Variants in ATRX observed in about 807,000 individuals in gnomAD.
ATRX encodes ATRX chromatin remodeler.
A neutral mutation model predicts 172.6 loss-of-function variants in ATRX; 12 were observed. That is an observed-to-expected ratio of 0.07 (90% CI 0.04 to 0.11). The LOEUF (loss-of-function observed/expected upper bound fraction) is 0.11. Ranked by LOEUF, ATRX falls within the 10% of genes least tolerant of loss-of-function variation. The pLI, the probability that ATRX is intolerant of heterozygous loss-of-function variation, is 1.00. For missense variants in ATRX, 1,368 were observed against 1,767.4 expected (o/e 0.77, Z 4.05); for synonymous variants, 674 against 594.7 (o/e 1.13, Z -1.94).
chrX:77,701,219 C>A (rs1487373769), intron 2 of ATRX, among the ~76,000 whole-genome samples: 1 of 111,313 alleles, frequency 9.0e-6, no homozygotes, highest in Non-Finnish European at 1.9e-5. Context: ...TTAAAAATAT[C>A]TTTTTTTTCT....
intron 1 of ATRX, among the ~76,000 whole-genome samples, chrX:77,784,887 G>A (rs782204961): frequency 5.8e-4 from 65 of 112,087 alleles, no homozygotes; most frequent in African/African-American, 2.0e-3. Flanking sequence ...TCTGACCCAT[G>A]CTCCTTGTAA....
chrX:77,616,831 T>C lies in ATRX; in HGVS notation c.5449-101A>G, dbSNP rs2067375073. ...TAACTGAAATATACACATAAATAAA[T>C]AGGCACTAAACATATAAGAAAACAT... On this transcript the variant is annotated intron_variant, in intron 21 of 34. Transcript: ENST00000373344. 3 of 584,117 alleles carry C rather than the reference T, an allele frequency of 5.1e-6. No individual in the cohort carries two copies. In the East Asian group the frequency reaches 1.0e-4, roughly 20 times the overall value. 48.1% of individuals were successfully genotyped at this position (584,117 alleles called of 1,213,427 possible).
At chrX:77,705,429 G>A (rs1204673028) in intron 2 of ATRX, among the ~76,000 whole-genome samples, 2 of 112,210 alleles carry the variant, frequency 1.8e-5, no homozygotes, top group African/African-American at 6.5e-5. Flanking sequence ...CCCTGGCCAC[G>A]TCTCCCTGCT....
intron 1 of ATRX, among the ~76,000 whole-genome samples, chrX:77,745,173 G>GAA (rs1247509964): frequency 3.7e-3 from 101 of 27,414 alleles, no homozygotes; most frequent in African/African-American, 6.4e-3. Flanking sequence ...TCTCAAAAAT[G>GAA]AAAAAAAAAA....
rs2062769004 is a variant in ATRX at position 77,508,748 on chromosome X, G to A, written c.7201-119C>T. On this transcript the variant is annotated intron_variant, in intron 34 of 34. Transcript: ENST00000373344. ...CATACCAAAAGGAAAACACATTATT[G>A]TTAACACCATTACTAATGTGATGGC... is the stretch of plus-strand genomic sequence containing the variant. The A allele has an allele frequency of 1.0e-4, 76 of 761,283 alleles. No individual in the cohort carries two copies. In the South Asian group the frequency reaches 1.6e-3, roughly 16 times the overall value. 62.7% of individuals were successfully genotyped at this position (761,283 alleles called of 1,213,427 possible). A position where few individuals can be genotyped will look rare whatever the true frequency, so the allele number is the denominator to read the frequency against.
At chrX:77,619,852 A>C (rs1557098946) in intron 20 of ATRX, among the ~76,000 whole-genome samples, 1 of 112,123 alleles carries the variant, frequency 8.9e-6, no homozygotes, top group Non-Finnish European at 1.9e-5. Context: ...GAATAATCTC[A>C]TGTTCCCTTC....
At chrX:77,527,716 G>C (rs1039065371) in intron 30 of ATRX, among the ~76,000 whole-genome samples, 2 of 111,688 alleles carry the variant, frequency 1.8e-5, no homozygotes, top group Non-Finnish European at 3.8e-5. Context: ...CATTTCCATC[G>C]CACCTCACAG....
At chrX:77,592,081 A>C (rs900389867) in intron 26 of ATRX, among the ~76,000 whole-genome samples, 4 of 111,924 alleles carry the variant, frequency 3.6e-5, no homozygotes, top group Non-Finnish European at 5.6e-5. Context: ...TAAACATAAA[A>C]GATTATTTTA....
intron 12 of ATRX, among the ~76,000 whole-genome samples, chrX:77,657,067 C>T (rs1557120221): frequency 9.0e-6 from 1 of 111,349 alleles, no homozygotes; most frequent in Non-Finnish European, 1.9e-5. Context: ...AACCGAAGAA[C>T]TCGGAAAGGG....
At position 77,664,630 on chromosome X, in the gene ATRX, C is replaced by T. The variant is rs2148495977; in HGVS notation, c.3943+15G>A. The T allele has an allele frequency of 8.3e-7, 1 of 1,209,926 alleles. No homozygotes were observed. The highest frequency in any genetic ancestry group is 1.1e-6 in the Non-Finnish European group (1 of 894,304). On this transcript the variant is annotated intron_variant, in intron 11 of 34. Transcript: ENST00000373344. The stretch of plus-strand genomic sequence containing the variant: ...TCAAATTATGACATTATAAACTTCT[C>T]TCTGGGGAGCTCACCCTCATCTCCT...
Position 77,681,615 on chromosome X carries a change from T to C in ATRX, c.3641A>G (p.Asn1214Ser), listed in dbSNP as rs144527582. 6.6e-6 allele frequency: 8 copies of C among 1,204,998 alleles called. No homozygotes were observed. The African/African-American group carries it at 7.0e-5, about 11-fold the overall frequency. The change falls in exon 9 of 35, where the codon AAT (asparagine) becomes AGT (serine). Residue 1214 changes from asparagine to serine, a missense_variant. Physicochemically the swap from Asn to Ser is conservative, Grantham distance 46 (BLOSUM62 1). This residue lies in a region of ATRX where 843 missense variants were observed against 643.1 expected (regional missense o/e 1.31). Transcript: ENST00000373344. ...SSSDIEDDDQNSIGEGSSDEQ... is the reference protein window; with the variant it reads ...SSSDIEDDDQSSIGEGSSDEQ... ...ATCGCTGCTTCCCTCACCTATAGAATTCTGATCATCATCTTCTATATCAGA... is the reference window on the plus strand; with the variant it reads ...ATCGCTGCTTCCCTCACCTATAGAACTCTGATCATCATCTTCTATATCAGA...
chrX:77,531,853 C>T lies in ATRX; in HGVS notation c.6700-8452G>A, dbSNP rs1326377788. Among the ~76,000 whole-genome samples the T allele has an allele frequency of 2.7e-5, 3 of 111,684 alleles. No individual in the cohort carries two copies. In the Admixed American group the frequency reaches 2.9e-4, roughly 11 times the overall value. ...GAGGAAGTCAAAATATCTTTGTTTGCAGATGACATGTCCCTATAGCTAGAA... is the reference window on the plus strand; with the variant it reads ...GAGGAAGTCAAAATATCTTTGTTTGTAGATGACATGTCCCTATAGCTAGAA... On this transcript the variant is annotated intron_variant, in intron 30 of 34. Coordinates refer to ENST00000373344, the MANE Select transcript of ATRX (RefSeq NM_000489.6).
chrX:77,567,767 T>C (rs985821661), intron 28 of ATRX, among the ~76,000 whole-genome samples: 18 of 110,585 alleles, frequency 1.6e-4, no homozygotes, highest in African/African-American at 5.2e-4. Flanking sequence ...GCAGAGTACA[T>C]ATTCTCTTCA....
intron 28 of ATRX, among the ~76,000 whole-genome samples, chrX:77,559,553 G>C (rs1238464800): frequency 1.0e-5 from 1 of 98,755 alleles, no homozygotes; most frequent in Non-Finnish European, 2.0e-5. Flanking sequence ...CTGCCTCCCA[G>C]GTTCAAGTGA....
chrX:77,623,749 C>G (rs2067695045), intron 19 of ATRX, among the ~76,000 whole-genome samples: 1 of 111,742 alleles, frequency 8.9e-6, no homozygotes, highest in African/African-American at 3.3e-5. Flanking sequence ...TGGTTTAACA[C>G]ATACAAGTAA....
At chrX:77,671,534 C>A (rs955291362) in intron 10 of ATRX, among the ~76,000 whole-genome samples, 4 of 109,630 alleles carry the variant, frequency 3.6e-5, no homozygotes, top group African/African-American at 1.3e-4. Flanking sequence ...AAATCTAAAC[C>A]AGTTTTAGAG....
chrX:77,606,174 G>A (rs1284862578), intron 22 of ATRX, among the ~76,000 whole-genome samples: 4 of 109,241 alleles, frequency 3.7e-5, no homozygotes, highest in African/African-American at 1.3e-4. Context: ...TAGGTTCATG[G>A]GTACATGTAT....
intron 14 of ATRX, 136 bp from the exon 15 acceptor site, chrX:77,652,489 A>T: frequency 1.1e-5 from 5 of 453,827 alleles, no homozygotes; most frequent in Non-Finnish European, 1.7e-5. Flanking sequence ...TCAGCAATAG[A>T]GTAGTATTAA....
intron 30 of ATRX, among the ~76,000 whole-genome samples, chrX:77,540,117 G>A (rs2063914180): frequency 9.0e-6 from 1 of 111,110 alleles, no homozygotes; most frequent in Admixed American, 9.6e-5. Context: ...AGAGATAGAG[G>A]AATATTTACC....
Sources: allele counts gnomAD v4.1 joint callset (sites outside exome capture counted in the v4.1 genomes callset), GRCh38; gene constraint gnomAD v4.1.1; regional missense constraint gnomAD v4.1.1; transcripts MANE v1.5; gene names NCBI Gene and HGNC (gene_info 2026-07-23, HGNC 2026-07-21).